MICAL2: variants seen among roughly 807,000 people sequenced by gnomAD.
The protein encoded by MICAL2 is microtubule associated monooxygenase, calponin and LIM domain containing 2, also known as [F-actin]-monooxygenase MICAL2.
A neutral mutation model predicts 127.3 loss-of-function variants in MICAL2; 77 were observed. That is an observed-to-expected ratio of 0.60 (90% CI 0.50 to 0.73). The LOEUF is 0.73. MICAL2 is among the 30% of genes least tolerant of loss of function. The pLI is 0.00. For synonymous variants in MICAL2, 570 were observed against 551.1 expected, an observed-to-expected ratio of 1.03 and a Z score of -0.48; for missense variants, 1,351 against 1,434.4, an observed-to-expected ratio of 0.94 and a Z score of 0.94.
intron 8 of MICAL2, among the ~76,000 whole-genome samples, chr11:12,217,632 G>T (rs1476801946): frequency 6.6e-6 from 1 of 152,146 alleles, no homozygotes; most frequent in Non-Finnish European, 1.5e-5. Context: ...GGCAGGCAAA[G>T]CTTGATGGGT....
chr11:12,149,133 T>C (rs947757185), intron 2 of MICAL2, among the ~76,000 whole-genome samples: 2 of 152,084 alleles, frequency 1.3e-5, no homozygotes, highest in Non-Finnish European at 2.9e-5. Flanking sequence ...AGAGTCCAGA[T>C]AGGCATTCCA....
Position 12,110,738 on chromosome 11 carries a change from G to T in MICAL2, c.-149+12G>T, listed in dbSNP as rs1284609318. ...CCGCGCGACTTTCGGTAAGGCGGGG[G>T]CGGCGCTGGCCTCAGGGTGGGGAGG... On this transcript the variant is annotated intron_variant, in intron 1 of 27. Transcript: ENST00000683283. This position sits in a 1 kb window ranked among gnomAD's most constrained non-coding sequence, Gnocchi z 4.5. 1.3e-5 allele frequency: 2 copies of T among 151,582 alleles called. No individual in the cohort carries two copies. The highest frequency in any genetic ancestry group is 6.6e-5 in the Admixed American group (1 of 15,252). 9.4% of individuals were successfully genotyped at this position (151,582 alleles called of 1,614,324 possible).
chr11:12,311,401 ATTTATTTTAT>A (rs150154321), intron 29 of MICAL2, among the ~76,000 whole-genome samples: 8 of 150,304 alleles, frequency 5.3e-5, no homozygotes, highest in Admixed American at 3.3e-4. Context: ...TTGGTTTCTT[ATTTATTTTAT>A]TTTATTTTAT....
chr11:12,180,038 T>A lies in MICAL2; in HGVS notation c.264+17619T>A, dbSNP rs115455726. On this transcript the variant is annotated intron_variant, in intron 3 of 27. Transcript: ENST00000683283. ...AGTAACTCTGTACTCCTTGCTCCCA[T>A]ATCTTCACCTTCCCCTTATCCCCTA... 4.7e-3 allele frequency among the ~76,000 whole-genome samples: 712 copies of A among 152,328 alleles called. 9 individuals carry two copies. Among genetic ancestry groups the A allele is most frequent in the African/African-American group, 0.016 (683 of 41,574 alleles).
At chr11:12,170,715 C>A (rs975248868) in intron 3 of MICAL2, among the ~76,000 whole-genome samples, 1 of 152,204 alleles carries the variant, frequency 6.6e-6, no homozygotes, top group African/African-American at 2.4e-5. Context: ...ATCTCCTCCC[C>A]ATTGCCTCCT....
chr11:12,302,949 A>C (rs1864064826), intron 29 of MICAL2, among the ~76,000 whole-genome samples: 1 of 152,236 alleles, frequency 6.6e-6, no homozygotes, highest in African/African-American at 2.4e-5. Flanking sequence ...ATCGAATCAC[A>C]GTTCCACATT....
At chr11:12,261,774 G>A (rs1431698460) in intron 26 of MICAL2, 9 of 985,342 alleles carry the variant, frequency 9.1e-6, no homozygotes, top group Admixed American at 6.1e-5. Context: ...GTGGGAACTG[G>A]CGCCTCTGTC....
chr11:12,322,259 G>T (rs183982025), intron 30 of MICAL2, among the ~76,000 whole-genome samples: 1 of 152,256 alleles, frequency 6.6e-6, no homozygotes, highest in African/African-American at 2.4e-5. Context: ...TATAGGCTAA[G>T]TTAGACAATC....
chr11:12,357,029 C>T (rs563870602), intron 34 of MICAL2, among the ~76,000 whole-genome samples: 227 of 152,348 alleles, frequency 1.5e-3, no homozygotes, highest in African/African-American at 5.2e-3. Context: ...GAGCATGGGG[C>T]TCTAACCCTC....
intron 3 of MICAL2, among the ~76,000 whole-genome samples, chr11:12,176,791 G>A (rs921280944): frequency 1.3e-5 from 2 of 152,112 alleles, no homozygotes; most frequent in Non-Finnish European, 2.9e-5. Context: ...CATCCATGTC[G>A]TAATGTATGT....
chr11:12,168,232 CCACA>C (rs1272583492), intron 3 of MICAL2, among the ~76,000 whole-genome samples: 1 of 150,692 alleles, frequency 6.6e-6, no homozygotes, highest in Non-Finnish European at 1.5e-5. Context: ...CATACACACA[CCACA>C]CACACATACA....
In MICAL2 at chr11:12,162,187, AG is replaced by A. The variant is rs764247997; in HGVS notation, c.34del (p.Ala12ArgfsTer30). ...GAAAACGAGGATGAGAAGCAGGCCC[AG>A]GCGGGGCAGGTTTTTGAGAACTTTG... MGENEDEKQA[Q>X]AGQVFENFVQ... On this transcript the variant is annotated frameshift_variant, in exon 3 of 28. Coordinates refer to ENST00000683283, the MANE Select transcript of MICAL2 (RefSeq NM_001282663.2). LOFTEE classifies it high-confidence loss of function. The A allele has an allele frequency of 1.9e-6, 3 of 1,614,232 alleles. No individual in the cohort carries two copies. Among genetic ancestry groups the A allele is most frequent in the Non-Finnish European group, 2.5e-6 (3 of 1,180,040 alleles).
At chr11:12,137,828 G>A (rs1417447717) in intron 1 of MICAL2, among the ~76,000 whole-genome samples, 1 of 152,088 alleles carries the variant, frequency 6.6e-6, no homozygotes, top group Non-Finnish European at 1.5e-5. Context: ...CAGGTGTAGA[G>A]GCATTTTCTG....
chr11:12,221,640 G>A lies in MICAL2; in HGVS notation c.1207-4G>A, dbSNP rs1267490914. 4 of 1,602,528 alleles carry A rather than the reference G, an allele frequency of 2.5e-6. No individual in the cohort carries two copies. Among genetic ancestry groups the A allele is most frequent in the Non-Finnish European group, 2.6e-6 (3 of 1,172,464 alleles). On this transcript the variant is annotated splice_polypyrimidine_tract_variant and splice_region_variant and intron_variant, in intron 9 of 27. Coordinates refer to ENST00000683283, the MANE Select transcript of MICAL2 (RefSeq NM_001282663.2). Reference sequence around the variant, plus strand: ...ACTGGAATTTTGCACGTTTTCTTTTGCAGCCATTTTGGCCCATGGGTACAG... The same window carrying A: ...ACTGGAATTTTGCACGTTTTCTTTTACAGCCATTTTGGCCCATGGGTACAG...
chr11:12,330,900 A>AGTGTGTGTGTGTGTGTGTGTGT (rs200754218), intron 32 of MICAL2, among the ~76,000 whole-genome samples: 3 of 119,450 alleles, frequency 2.5e-5, no homozygotes, highest in Non-Finnish European at 3.6e-5. Flanking sequence ...AGAGAGAGAG[A>AGTGTGTGTGTGTGTGTGTGTGT]GTGTGTGTGT....
At chr11:12,312,957 G>C (rs1359427333) in intron 29 of MICAL2, among the ~76,000 whole-genome samples, 4 of 152,046 alleles carry the variant, frequency 2.6e-5, no homozygotes, top group Non-Finnish European at 5.9e-5. Flanking sequence ...ACAAGGTCAG[G>C]AGATCGAGAC....
At chr11:12,334,870 G>C (rs1216747941) in intron 32 of MICAL2, among the ~76,000 whole-genome samples, 2 of 151,920 alleles carry the variant, frequency 1.3e-5, no homozygotes, top group African/African-American at 4.8e-5. Flanking sequence ...CATTTGGGTT[G>C]GTTCCAAGTC....
chr11:12,180,793 T>A (rs1048941408), intron 3 of MICAL2, among the ~76,000 whole-genome samples: 1 of 152,060 alleles, frequency 6.6e-6, no homozygotes, highest in Admixed American at 6.6e-5. Context: ...CTTTGAGGAC[T>A]TCAGTGGAGA....
At chr11:12,148,387 G>A (rs1341721562) in intron 2 of MICAL2, among the ~76,000 whole-genome samples, 2 of 152,148 alleles carry the variant, frequency 1.3e-5, no homozygotes, top group East Asian at 3.9e-4. Context: ...ATGGGTGGGA[G>A]CCCGCTGAGC....
Sources: allele counts gnomAD v4.1 joint callset (sites outside exome capture counted in the v4.1 genomes callset), GRCh38; gene constraint gnomAD v4.1.1; non-coding constraint Gnocchi (gnomAD v3.1); transcripts MANE v1.5; gene names NCBI Gene and HGNC (gene_info 2026-07-23, HGNC 2026-07-21).